The following SGCD variants were observed in gnomAD, a reference collection of about 807,000 sequenced individuals.
SGCD encodes the protein sarcoglycan delta.
SGCD carries 18 observed loss-of-function variants against 36.6 expected under a neutral mutation model. The ratio of observed to expected loss-of-function variants is 0.49; its 90% CI spans 0.34 to 0.73. The LOEUF (loss-of-function observed/expected upper bound fraction) is 0.73, where lower values mean the gene tolerates loss of function less well. Ranked by LOEUF, SGCD falls within the 30% of genes least tolerant of loss-of-function variation. The pLI, the probability that SGCD is intolerant of heterozygous loss-of-function variation, is 0.01. For synonymous variants in SGCD, 133 were observed against 130.6 expected (o/e 1.02, Z -0.12); for missense variants, 387 against 346.7 (o/e 1.12, Z -0.92).
intron 3 of SGCD, among the ~76,000 whole-genome samples, chr5:156,364,607 T>C (rs1769990990): frequency 6.6e-6 from 1 of 152,198 alleles, no homozygotes; most frequent in East Asian, 1.9e-4. Context: ...TCTTTTTAGT[T>C]TTGTACACAG....
intron 1 of SGCD, among the ~76,000 whole-genome samples, chr5:155,892,390 G>T (rs1009322925): frequency 2.0e-5 from 3 of 148,574 alleles, no homozygotes; most frequent in Non-Finnish European, 3.0e-5. Context: ...AGGAGGTGAA[G>T]GTTGCAGTGA....
the SGCD span, among the ~76,000 whole-genome samples, chr5:155,749,678 A>G: frequency 3.3e-5 from 5 of 152,214 alleles, no homozygotes; most frequent in Non-Finnish European, 5.9e-5. Context: ...ACTGCAAGAG[A>G]TTCCTTCATT....
intron 3 of SGCD, among the ~76,000 whole-genome samples, chr5:156,290,468 A>G (rs1463129004): frequency 6.6e-5 from 10 of 152,174 alleles, no homozygotes; most frequent in Non-Finnish European, 1.5e-4. Context: ...CCAGCTGTGT[A>G]GATTTTGCAA....
At chr5:155,743,004 G>A in the SGCD span, among the ~76,000 whole-genome samples, 1 of 152,210 alleles carries the variant, frequency 6.6e-6, no homozygotes, top group Non-Finnish European at 1.5e-5. Flanking sequence ...TTGGTTGGGG[G>A]CACGGAGCTT....
Position 156,557,737 on chromosome 5 carries a change from A to G in SGCD, c.295-31494A>G, listed in dbSNP as rs933595519. Among the ~76,000 whole-genome samples the G allele has an allele frequency of 2.0e-5, 3 of 152,182 alleles. No homozygotes were observed. The South Asian group carries it at 6.2e-4, about 32-fold the overall frequency. Reference sequence around the variant, plus strand: ...AAACAGAGTAGCCCTGCCTCCAGAAAGTCTTCCGTGATATATCCCCTCTGC... The same window carrying G: ...AAACAGAGTAGCCCTGCCTCCAGAAGGTCTTCCGTGATATATCCCCTCTGC... On this transcript the variant is annotated intron_variant, in intron 4 of 8. Transcript: ENST00000337851.
chr5:156,155,077 A>G (rs1215439504), intron 3 of SGCD, among the ~76,000 whole-genome samples: 1 of 151,734 alleles, frequency 6.6e-6, no homozygotes, highest in African/African-American at 2.4e-5. Context: ...CGACAATAAT[A>G]ATCACAGGAT....
intron 3 of SGCD, among the ~76,000 whole-genome samples, chr5:156,205,921 A>AG (rs1764263121): frequency 6.6e-6 from 1 of 151,182 alleles, no homozygotes; most frequent in Non-Finnish European, 1.5e-5. Flanking sequence ...CATTTGTTCA[A>AG]GGGAGATGAC....
At chr5:156,186,537 T>C (rs1763766588) in intron 3 of SGCD, among the ~76,000 whole-genome samples, 1 of 152,200 alleles carries the variant, frequency 6.6e-6, no homozygotes, top group African/African-American at 2.4e-5. Context: ...GGTTTTATGC[T>C]ACTTTTGGGC....
the SGCD span, among the ~76,000 whole-genome samples, chr5:155,755,413 C>A: frequency 3.3e-5 from 5 of 152,162 alleles, no homozygotes; most frequent in African/African-American, 1.2e-4. Flanking sequence ...AACTATCAGA[C>A]CTCTCAAATC....
the SGCD span, among the ~76,000 whole-genome samples, chr5:155,768,590 C>A: frequency 6.6e-6 from 1 of 152,106 alleles, no homozygotes; most frequent in Non-Finnish European, 1.5e-5. Context: ...AAATGTTAGA[C>A]TGTGTTAGTC....
chr5:156,432,681 G>A (rs574522728), intron 3 of SGCD, among the ~76,000 whole-genome samples: 1 of 152,104 alleles, frequency 6.6e-6, no homozygotes, highest in Non-Finnish European at 1.5e-5. Context: ...GACTGCTGGG[G>A]TAATGTTCCA....
At position 156,303,294 on chromosome 5, in the gene SGCD, T is replaced by C. The variant is rs774788419; in HGVS notation, c.-43-26240T>C. ...CCTAGTGAATGCTACTGGGCTACCA[T>C]TGATGTTCACTCTAGGCCCAAAGGT... On this transcript the variant is annotated intron_variant, in intron 3 of 9. Transcript: ENST00000517913. 7.2e-5 allele frequency among the ~76,000 whole-genome samples: 11 copies of C among 152,196 alleles called. No individual in the cohort carries two copies. In the South Asian group the frequency reaches 1.5e-3, roughly 20 times the overall value.
chr5:156,737,358 C>CAACT (rs1431617774), intron 7 of SGCD, among the ~76,000 whole-genome samples: 2 of 152,262 alleles, frequency 1.3e-5, no homozygotes, highest in South Asian at 2.1e-4. Context: ...TAACTTCCCC[C>CAACT]AACTAACTGT....
intron 1 of SGCD, among the ~76,000 whole-genome samples, chr5:156,081,950 T>C (rs896846833): frequency 1.3e-5 from 2 of 152,116 alleles, no homozygotes; most frequent in Non-Finnish European, 2.9e-5. Flanking sequence ...TGAGTAATTT[T>C]AGAGATATAG....
rs575626828 is a variant in SGCD, at chr5:156,273,793, C to T, written c.-43-55741C>T. Among the ~76,000 whole-genome samples the T allele has an allele frequency of 8.5e-5, 13 of 152,180 alleles. 1 individual carries two copies. The highest frequency in any genetic ancestry group is 2.4e-4 in the African/African-American group (10 of 41,520). Reference sequence around the variant, plus strand: ...ACGATCCTAGAAGAGTGAGAAAAAACGATGAACACTTTTTAAAAAAAGTCC... The same window carrying T: ...ACGATCCTAGAAGAGTGAGAAAAAATGATGAACACTTTTTAAAAAAAGTCC... On this transcript the variant is annotated intron_variant, in intron 3 of 9. Coordinates refer to the SGCD transcript ENST00000517913.
intron 3 of SGCD, among the ~76,000 whole-genome samples, chr5:156,297,478 G>A (rs1766926044): frequency 6.6e-6 from 1 of 151,890 alleles, no homozygotes; most frequent in East Asian, 1.9e-4. Context: ...ATGAGTTCAT[G>A]TCCTTTGTAG....
intron 2 of SGCD, among the ~76,000 whole-genome samples, chr5:156,329,889 C>A (rs949814574): frequency 6.6e-6 from 1 of 151,512 alleles, no homozygotes; most frequent in Non-Finnish European, 1.5e-5. Context: ...TGGTGGTGGG[C>A]GCCCGTAGTC....
the SGCD span, among the ~76,000 whole-genome samples, chr5:155,783,941 C>T: frequency 1.3e-5 from 2 of 152,186 alleles, no homozygotes; most frequent in African/African-American, 4.8e-5. Flanking sequence ...TTGGTCTTCC[C>T]TCCTCATGAT....
chr5:156,537,217 G>C (rs1037007888), intron 4 of SGCD, among the ~76,000 whole-genome samples: 2 of 151,986 alleles, frequency 1.3e-5, no homozygotes, highest in African/African-American at 4.8e-5. Context: ...GATGTCTCCA[G>C]GACAGTGCTC....
Sources: allele counts gnomAD v4.1 joint callset (sites outside exome capture counted in the v4.1 genomes callset), GRCh38; gene constraint gnomAD v4.1.1; transcripts MANE v1.5; gene names NCBI Gene and HGNC (gene_info 2026-07-23, HGNC 2026-07-21).